RHOT1: variants seen among roughly 807,000 people sequenced by gnomAD.
RHOT1 encodes the protein ras homolog family member T1, also known as mitochondrial Rho GTPase 1.
Under a neutral mutation model 95.3 loss-of-function variants are expected in RHOT1, and 27 were observed. The ratio of observed to expected loss-of-function variants is 0.28; its 90% CI spans 0.21 to 0.39. The LOEUF is 0.39. RHOT1 is among the 10% of genes least tolerant of loss of function. RHOT1 has a pLI of 1.00. For missense variants in RHOT1, 578 were observed against 786.7 expected, an observed-to-expected ratio of 0.73 and a Z score of 3.17; for synonymous variants, 227 against 263.5, an observed-to-expected ratio of 0.86 and a Z score of 1.34.
intron 9 of RHOT1, 104 bp downstream of exon 9, chr17:32,192,403 T>A: frequency 1.4e-6 from 1 of 695,966 alleles, no homozygotes; most frequent in Non-Finnish European, 2.5e-6. Context: ...CAGTATGTTA[T>A]AAACATAAGT....
At chr17:32,147,882 T>C (rs1230572958) in intron 1 of RHOT1, among the ~76,000 whole-genome samples, 3 of 151,442 alleles carry the variant, frequency 2.0e-5, no homozygotes, top group Non-Finnish European at 4.4e-5. Context: ...ACCTGGGTAA[T>C]ATTCTATGGC....
intron 1 of RHOT1, among the ~76,000 whole-genome samples, chr17:32,156,206 C>G (rs1461309094): frequency 2.6e-5 from 4 of 152,212 alleles, no homozygotes; most frequent in Non-Finnish European, 2.9e-5. Context: ...TTAAAACATA[C>G]AGTTTGCAGA....
chr17:32,224,489 A>C, intron 19 of RHOT1, 127 bp from the exon 20 acceptor site: 1 of 511,766 alleles, frequency 2.0e-6, no homozygotes, highest in East Asian at 2.9e-5. Context: ...GTTTTTGATA[A>C]GCATTACTGT....
chr17:32,211,836 T>A (rs2038153066), intron 19 of RHOT1, among the ~76,000 whole-genome samples: 1 of 152,160 alleles, frequency 6.6e-6, no homozygotes, highest in African/African-American at 2.4e-5. Context: ...TCTGTAGTAC[T>A]GTTTTTTTAG....
intron 2 of RHOT1, among the ~76,000 whole-genome samples, chr17:32,171,748 C>T (rs1395660816): frequency 1.3e-5 from 2 of 152,180 alleles, no homozygotes; most frequent in African/African-American, 2.4e-5. Flanking sequence ...TTGTCGGAAC[C>T]ACTAGAATTA....
chr17:32,199,607 G>A (rs2037162100), intron 13 of RHOT1, 57 bp downstream of exon 13: 9 of 1,412,436 alleles, frequency 6.4e-6, no homozygotes, highest in Admixed American at 2.6e-5. Flanking sequence ...AAATTATGGT[G>A]TATTACATTT....
At chr17:32,211,919 A>G (rs1010445181) in intron 19 of RHOT1, among the ~76,000 whole-genome samples, 1 of 152,206 alleles carries the variant, frequency 6.6e-6, no homozygotes, top group Admixed American at 6.5e-5. Context: ...AAGAGAAAAA[A>G]AAAGGATGCA....
In RHOT1 at chr17:32,225,157, T is replaced by G. The variant is rs1315784397; in HGVS notation, c.*424T>G. On this transcript the variant is annotated 3_prime_UTR_variant, in exon 20 of 20. Transcript: ENST00000545287. ...TTATTTATTTCACATTTACTCAGAATGATCCTTTGGGTTCTATAAGGACAT... is the reference window on the plus strand; with the variant it reads ...TTATTTATTTCACATTTACTCAGAAGGATCCTTTGGGTTCTATAAGGACAT... 1 of 155,828 alleles carries G rather than the reference T, an allele frequency of 6.4e-6. No individual in the cohort carries two copies. Among genetic ancestry groups the G allele is most frequent in the Non-Finnish European group, 1.4e-5 (1 of 69,826 alleles). 9.7% of individuals were successfully genotyped at this position (155,828 alleles called of 1,614,324 possible). A position where few individuals can be genotyped will look rare whatever the true frequency, so the allele number is the denominator to read the frequency against.
intron 1 of RHOT1, chr17:32,160,429 T>C (rs777812563): frequency 2.6e-5 from 4 of 152,410 alleles, no homozygotes; most frequent in Non-Finnish European, 5.9e-5. Flanking sequence ...ACTCGGGACC[T>C]GCTGAATGGT....
At chr17:32,167,157 A>G (rs2034157899) in intron 1 of RHOT1, among the ~76,000 whole-genome samples, 1 of 152,144 alleles carries the variant, frequency 6.6e-6, no homozygotes, top group Non-Finnish European at 1.5e-5. Context: ...TTGGGTGACC[A>G]GGTGTATTGT....
At chr17:32,155,959 G>C (rs757885757) in intron 1 of RHOT1, among the ~76,000 whole-genome samples, 1 of 152,182 alleles carries the variant, frequency 6.6e-6, no homozygotes, top group Non-Finnish European at 1.5e-5. Context: ...CTGGAATCAG[G>C]ATGTACTACT....
rs1361242440 is a variant in RHOT1 at position 32,183,417 on chromosome 17, CTCT to C, written c.540+151_540+153del. ...CTTATTAAATGGTTACATTTTGGTA[CTCT>C]TCTTCAATGACATTCACATTAAATA... On this transcript the variant is annotated intron_variant, in intron 8 of 19. Coordinates refer to ENST00000545287, the MANE Select transcript of RHOT1 (RefSeq NM_001033566.3). 7 of 429,084 alleles carry C rather than the reference CTCT, an allele frequency of 1.6e-5. No individual in the cohort carries two copies. In the South Asian group the frequency reaches 3.3e-4, roughly 20 times the overall value. The allele number at this position is 429,084 out of a possible 1,614,324, so 26.6% of individuals were successfully genotyped here.
At chr17:32,193,551 G>A (rs2036652485) in intron 10 of RHOT1, among the ~76,000 whole-genome samples, 1 of 152,114 alleles carries the variant, frequency 6.6e-6, no homozygotes, top group South Asian at 2.1e-4. Context: ...CTCATAAACA[G>A]CCTTTAAATA....
At chr17:32,183,988 T>C (rs955302083) in intron 8 of RHOT1, among the ~76,000 whole-genome samples, 1 of 152,246 alleles carries the variant, frequency 6.6e-6, no homozygotes, top group African/African-American at 2.4e-5. Context: ...GCCCAGCCCC[T>C]TTTGTTTTAT....
chr17:32,180,717 AGAG>A (rs887648449), intron 6 of RHOT1, among the ~76,000 whole-genome samples: 7 of 144,994 alleles, frequency 4.8e-5, no homozygotes, highest in African/African-American at 1.7e-4. Flanking sequence ...AAAAAAAAAA[AGAG>A]GGCAGTTTTG....
intron 1 of RHOT1, among the ~76,000 whole-genome samples, chr17:32,169,426 TTG>T (rs1158397781): frequency 6.6e-6 from 1 of 152,176 alleles, no homozygotes; most frequent in Non-Finnish European, 1.5e-5. Context: ...ATTTTAAAGT[TTG>T]TGTATAAAAA....
intron 1 of RHOT1, chr17:32,160,461 C>G (rs1429153374): frequency 6.6e-6 from 1 of 152,372 alleles, no homozygotes; most frequent in Non-Finnish European, 1.5e-5. Flanking sequence ...AGCTGTAACA[C>G]AAACAGGGTT....
Position 32,149,635 on chromosome 17 carries a change from A to ATGTGTGTGTG in RHOT1, c.37+6924_37+6933dup, listed in dbSNP as rs1300585666. 2.3e-3 allele frequency among the ~76,000 whole-genome samples: 138 copies of ATGTGTGTGTG among 59,026 alleles called. 1 individual carries two copies. The highest frequency in any genetic ancestry group is 3.8e-3 in the Non-Finnish European group (111 of 29,204). 38.7% of individuals were successfully genotyped at this position (59,026 alleles called of 152,430 possible). On this transcript the variant is annotated intron_variant, in intron 1 of 19. Coordinates refer to ENST00000545287, the MANE Select transcript of RHOT1 (RefSeq NM_001033566.3). ...TATATATATATATATATATATATAT[A>ATGTGTGTGTG]TGTGTGTGTGTGTGTGTGTGTGTGT...
chr17:32,167,450 C>T (rs2034190230), intron 1 of RHOT1, among the ~76,000 whole-genome samples: 1 of 152,092 alleles, frequency 6.6e-6, no homozygotes, highest in African/African-American at 2.4e-5. Flanking sequence ...CCTCAGCCTC[C>T]CGAGTAGCTG....
Sources: gnomAD v4.1 joint callset for allele counts (sites outside exome capture counted in the v4.1 genomes callset) on GRCh38, gnomAD v4.1.1 for gene constraint, MANE v1.5 for transcripts, NCBI Gene and HGNC (gene_info 2026-07-23, HGNC 2026-07-21) for gene names.